Variants in PGRMC2 observed in about 807,000 individuals in gnomAD.
PGRMC2 encodes progesterone receptor membrane component 2, also known as membrane-associated progesterone receptor component 2.
In PGRMC2, 9 loss-of-function variants were observed where a neutral mutation model predicts 19.3. The observed-to-expected ratio is 0.47, with a 90% CI of 0.28 to 0.81. The LOEUF (loss-of-function observed/expected upper bound fraction) is 0.81, where lower values mean the gene tolerates loss of function less well. Among genes scored for constraint, PGRMC2 ranks in the 40% least tolerant of loss-of-function variants. PGRMC2 has a pLI of 0.11. For missense variants in PGRMC2, 289 were observed against 297.3 expected, an observed-to-expected ratio of 0.97 and a Z score of 0.21; for synonymous variants, 157 against 124.6, an observed-to-expected ratio of 1.26 and a Z score of -1.73.
rs368619306 is a variant in PGRMC2 at position 128,273,202 on chromosome 4, C to T, written c.419-685G>A. 13 of 152,228 alleles carry T rather than the reference C, an allele frequency of 8.5e-5. No homozygotes were observed. The East Asian group carries it at 1.7e-3, about 20-fold the overall frequency. 9.4% of individuals were successfully genotyped at this position (152,228 alleles called of 1,614,324 possible). A position where few individuals can be genotyped will look rare whatever the true frequency, so the allele number is the denominator to read the frequency against. Reference sequence around the variant, plus strand: ...AAAGTCATTAAGGAAAATAATAGCTCTTACTTGTCATGACTTTTGGAAAAC... The same window carrying T: ...AAAGTCATTAAGGAAAATAATAGCTTTTACTTGTCATGACTTTTGGAAAAC... On this transcript the variant is annotated intron_variant, in intron 1 of 2. Transcript: ENST00000296425.
intron 1 of PGRMC2, among the ~76,000 whole-genome samples, chr4:128,274,285 C>T (rs2110558913): frequency 6.6e-6 from 1 of 152,156 alleles, no homozygotes; most frequent in Non-Finnish European, 1.5e-5. Flanking sequence ...AACTCTGTGG[C>T]AGCAGTGTTG....
chr4:128,277,144 G>A (rs747240901), intron 1 of PGRMC2, among the ~76,000 whole-genome samples: 5 of 151,058 alleles, frequency 3.3e-5, no homozygotes, highest in Non-Finnish European at 7.4e-5. Flanking sequence ...GCGACAGAGC[G>A]AGACTCCATC....
intron 1 of PGRMC2, among the ~76,000 whole-genome samples, chr4:128,282,067 A>C (rs1295304890): frequency 1.3e-5 from 2 of 152,190 alleles, no homozygotes; most frequent in Non-Finnish European, 2.9e-5. Context: ...ACAGATTATA[A>C]TTACATACTG....
At chr4:128,286,777 C>G in intron 1 of PGRMC2, 2 of 395,516 alleles carry the variant, frequency 5.1e-6, no homozygotes, top group Non-Finnish European at 8.9e-6. Context: ...CGAGGTGTTG[C>G]TTATACGTCT....
intron 1 of PGRMC2, among the ~76,000 whole-genome samples, chr4:128,286,150 T>TTG (rs1760979950): frequency 6.8e-6 from 1 of 146,470 alleles, no homozygotes; most frequent in Admixed American, 7.1e-5. Flanking sequence ...GAAAACCAGC[T>TTG]TACTTCCAGA....
chr4:128,285,184 G>T (rs1420389751), intron 1 of PGRMC2, among the ~76,000 whole-genome samples: 1 of 152,084 alleles, frequency 6.6e-6, no homozygotes, highest in East Asian at 1.9e-4. Context: ...GGAGTGCAAT[G>T]GCGCAATCTC....
chr4:128,275,707 T>C (rs1461475561), intron 1 of PGRMC2, among the ~76,000 whole-genome samples: 1 of 152,200 alleles, frequency 6.6e-6, no homozygotes, highest in Non-Finnish European at 1.5e-5. Flanking sequence ...TGCTCTTTCC[T>C]GTAAGACCAT....
chr4:128,283,698 T>C (rs13103317), intron 1 of PGRMC2, among the ~76,000 whole-genome samples: 101,917 of 150,812 alleles, frequency 0.68, 34,724 homozygotes, highest in Middle Eastern at 0.74. Context: ...CGTTCTGTCA[T>C]CCAGGCTGGA....
chr4:128,272,273 A>T, intron 2 of PGRMC2, 89 bp downstream of exon 2: 1 of 757,322 alleles, frequency 1.3e-6, no homozygotes, highest in Non-Finnish European at 1.9e-6. Flanking sequence ...AACGGATGAC[A>T]TCCTTAGGCT....
rs1300786190 is a variant in PGRMC2 at position 128,287,544 on chromosome 4, C to T, written c.247G>A (p.Gly83Arg). Reference protein sequence around the residue: ...VRWGRRGLGAGAGAGEESPAT... With the variant: ...VRWGRRGLGARAGAGEESPAT... ...GGGCTCTCCTCGCCCGCCCCGGCCC[C>T]GGCCCCCAGACCCCGCCGCCCCCAG... Residue 83 changes from glycine to arginine, a missense_variant, in exon 1 of 3, where the codon GGG (glycine) becomes AGG (arginine). Gly to Arg is a moderately radical substitution (Grantham distance 125, BLOSUM62 -2). Transcript: ENST00000296425. The T allele has an allele frequency of 6.5e-7, 1 of 1,546,550 alleles. No homozygotes were observed. The highest frequency in any genetic ancestry group is 1.2e-5 in the South Asian group (1 of 84,014).
Position 128,271,217 on chromosome 4 carries a change from T to G in PGRMC2, c.*99A>C. On this transcript the variant is annotated 3_prime_UTR_variant, in exon 3 of 3. Transcript: ENST00000296425. ...CTTGTACACAATTTGTTGAATGTTT[T>G]TCGCAGCAGGTGAATCAAACCCAAA... is the stretch of plus-strand genomic sequence containing the variant. 3.5e-6 allele frequency: 2 copies of G among 578,350 alleles called. No homozygotes were observed. Among genetic ancestry groups the G allele is most frequent in the Non-Finnish European group, 6.3e-6 (2 of 318,334 alleles). 35.8% of individuals were successfully genotyped at this position (578,350 alleles called of 1,614,324 possible).
intron 1 of PGRMC2, among the ~76,000 whole-genome samples, chr4:128,282,940 C>T (rs1760930059): frequency 6.6e-6 from 1 of 152,122 alleles, no homozygotes; most frequent in African/African-American, 2.4e-5. Context: ...TGACTTTTTT[C>T]TTTCAGTGGA....
At chr4:128,286,609 A>C (rs1207120925) in intron 1 of PGRMC2, 1 of 398,490 alleles carries the variant, frequency 2.5e-6, no homozygotes, top group African/African-American at 2.1e-5. Context: ...AAAAGAAACC[A>C]GAGACACGCC....
chr4:128,280,723 G>A (rs1047232795), intron 1 of PGRMC2, among the ~76,000 whole-genome samples: 7 of 152,030 alleles, frequency 4.6e-5, no homozygotes, highest in African/African-American at 1.7e-4. Flanking sequence ...TCAGACTCTT[G>A]AGTAGCTGGG....
rs1761012249 is a variant in PGRMC2 at position 128,287,764 on chromosome 4, C to T, written c.27G>A (p.Lys9=). 2.7e-6 allele frequency: 4 copies of T among 1,478,806 alleles called. No individual in the cohort carries two copies. The highest frequency in any genetic ancestry group is 2.3e-5 in the East Asian group (1 of 43,346). 91.6% of individuals were successfully genotyped at this position (1,478,806 alleles called of 1,614,324 possible). Residue 9 remains lysine, a synonymous_variant, in exon 1 of 3, where the codon AAG becomes AAA. Transcript: ENST00000296425. ...CGCTGCCACTCCCCAGGGTGCCTAGCTTCACGTCCCCATCACCAGCCGCCA... is the reference window on the plus strand; with the variant it reads ...CGCTGCCACTCCCCAGGGTGCCTAGTTTCACGTCCCCATCACCAGCCGCCA... The part of the protein sequence containing the change: MAAGDGDV[K]LGTLGSGSES...
chr4:128,286,713 T>C, intron 1 of PGRMC2: 1 of 398,548 alleles, frequency 2.5e-6, no homozygotes, highest in Non-Finnish European at 4.4e-6. Flanking sequence ...TCATCCCACA[T>C]ACCTTGTTAA....
intron 1 of PGRMC2, 103 bp downstream of exon 1, chr4:128,287,270 G>A: frequency 1.5e-6 from 2 of 1,363,926 alleles, no homozygotes; most frequent in Non-Finnish European, 2.0e-6. Flanking sequence ...TCCCGGAGAC[G>A]AGAAGGCTGG....
At chr4:128,278,087 A>G (rs75608264) in intron 1 of PGRMC2, among the ~76,000 whole-genome samples, 7,521 of 152,240 alleles carry the variant, frequency 0.049, 636 homozygotes, top group African/African-American at 0.17. Context: ...AGGCTGGGGT[A>G]AAGAAAAGAC....
chr4:128,284,258 C>G, intron 1 of PGRMC2, among the ~76,000 whole-genome samples: 1 of 152,122 alleles, frequency 6.6e-6, no homozygotes, highest in East Asian at 1.9e-4. Context: ...GTGGTAATAT[C>G]CATCTGGATT....
Sources: allele counts gnomAD v4.1 joint callset (sites outside exome capture counted in the v4.1 genomes callset), GRCh38; gene constraint gnomAD v4.1.1; transcripts MANE v1.5; gene names NCBI Gene and HGNC (gene_info 2026-07-23, HGNC 2026-07-21).